Variants in NELL2 observed in about 807,000 individuals in gnomAD.
NELL2 encodes protein kinase C-binding protein NELL2.
NELL2 carries 41 observed loss-of-function variants against 109.6 expected under a neutral mutation model. The observed-to-expected ratio is 0.37, with a 90% CI of 0.29 to 0.49. The LOEUF (loss-of-function observed/expected upper bound fraction) is 0.49, where lower values mean the gene tolerates loss of function less well. Ranked by LOEUF, NELL2 falls within the 20% of genes least tolerant of loss-of-function variation. The pLI, the probability that NELL2 is intolerant of heterozygous loss-of-function variation, is 0.98. For missense variants in NELL2, 900 were observed against 1,008.3 expected (o/e 0.89, Z 1.45); for synonymous variants, 355 against 344.7 (o/e 1.03, Z -0.33).
intron 2 of NELL2, among the ~76,000 whole-genome samples, chr12:44,872,850 C>G (rs1592689822): frequency 6.6e-6 from 1 of 152,136 alleles, no homozygotes; most frequent in African/African-American, 2.4e-5. Context: ...TCTGCAGCAC[C>G]CTCAACTCAC....
chr12:44,799,335 AG>A (rs1044724683), intron 3 of NELL2, among the ~76,000 whole-genome samples: 2 of 152,034 alleles, frequency 1.3e-5, no homozygotes, highest in African/African-American at 4.8e-5. Context: ...TGAAAACTCA[AG>A]GCATCAGTTT....
chr12:44,626,219 A>C (rs1462356171), intron 13 of NELL2, among the ~76,000 whole-genome samples: 1 of 152,152 alleles, frequency 6.6e-6, no homozygotes, highest in Non-Finnish European at 1.5e-5. Context: ...TTATTTTCCC[A>C]TTTTGAATAA....
chr12:44,871,848 T>C (rs1465131882), intron 2 of NELL2, among the ~76,000 whole-genome samples: 4 of 152,036 alleles, frequency 2.6e-5, no homozygotes, highest in Non-Finnish European at 4.4e-5. Flanking sequence ...TAACAACTTG[T>C]AAAAAAAACA....
chr12:44,681,358 T>C (rs543505658), intron 12 of NELL2, among the ~76,000 whole-genome samples: 4 of 132,102 alleles, frequency 3.0e-5, no homozygotes, highest in African/African-American at 7.7e-5. Flanking sequence ...AAAAGCTTTT[T>C]TGTTGTTGTT....
chr12:44,651,600 T>C (rs1947300900), intron 13 of NELL2, among the ~76,000 whole-genome samples: 1 of 152,150 alleles, frequency 6.6e-6, no homozygotes, highest in African/African-American at 2.4e-5. Flanking sequence ...TCTTCTGGGG[T>C]TTATTTCAGT....
intron 13 of NELL2, among the ~76,000 whole-genome samples, chr12:44,617,808 C>T (rs939805065): frequency 6.6e-6 from 1 of 150,634 alleles, no homozygotes; most frequent in African/African-American, 2.4e-5. Flanking sequence ...CTATTATCTA[C>T]TTCAGTGGGA....
At chr12:44,669,305 G>A (rs575381388) in intron 12 of NELL2, among the ~76,000 whole-genome samples, 1 of 152,178 alleles carries the variant, frequency 6.6e-6, no homozygotes, top group African/African-American at 2.4e-5. Context: ...CACATGCACA[G>A]ATATCAACAT....
intron 13 of NELL2, among the ~76,000 whole-genome samples, chr12:44,621,923 G>A (rs867469994): frequency 6.8e-6 from 1 of 147,398 alleles, no homozygotes; most frequent in Admixed American, 7.2e-5. Flanking sequence ...TTCACGTAGC[G>A]CTTCATGAGT....
intron 16 of NELL2, 164 bp from the exon 17 acceptor site, chr12:44,523,648 G>A (rs1364229656): frequency 5.0e-6 from 3 of 605,782 alleles, no homozygotes; most frequent in African/African-American, 1.9e-5. Flanking sequence ...CAATGTTAAT[G>A]ATCTGGGGAT....
At chr12:44,734,041 G>C (rs1939509544) in intron 9 of NELL2, among the ~76,000 whole-genome samples, 1 of 151,906 alleles carries the variant, frequency 6.6e-6, no homozygotes, top group South Asian at 2.1e-4. Flanking sequence ...TCACATTCAA[G>C]TGCTCCGTTT....
At chr12:44,898,624 G>A (rs937298649) in intron 1 of NELL2, among the ~76,000 whole-genome samples, 3 of 152,148 alleles carry the variant, frequency 2.0e-5, no homozygotes, top group African/African-American at 7.2e-5. Flanking sequence ...AAAGACCAAA[G>A]GTAGACGAAT....
intron 13 of NELL2, among the ~76,000 whole-genome samples, chr12:44,664,951 C>T (rs1424656118): frequency 1.3e-5 from 2 of 152,134 alleles, no homozygotes; most frequent in African/African-American, 2.4e-5. Context: ...AACACAATAT[C>T]CCTAACAAGA....
rs868187428 is a variant in NELL2 at position 44,717,024 on chromosome 12, A to G, written c.995-2283T>C. ...AAATGAATGAGGTCACAATTGCTTAATTCTCTTTCAAGCAATGAGCACAAG... is the reference window on the plus strand; with the variant it reads ...AAATGAATGAGGTCACAATTGCTTAGTTCTCTTTCAAGCAATGAGCACAAG... On this transcript the variant is annotated intron_variant, in intron 9 of 19. Coordinates refer to ENST00000429094, the MANE Select transcript of NELL2 (RefSeq NM_001145108.2). Among the ~76,000 whole-genome samples the G allele has an allele frequency of 2.6e-5, 4 of 152,156 alleles. No individual in the cohort carries two copies. The South Asian group carries it at 8.3e-4, about 32-fold the overall frequency.
intron 15 of NELL2, among the ~76,000 whole-genome samples, chr12:44,539,383 G>A (rs1942440442): frequency 1.3e-5 from 2 of 151,968 alleles, no homozygotes; most frequent in Admixed American, 6.6e-5. Flanking sequence ...ATTGGCGGGG[G>A]GGATGCCTTC....
intron 15 of NELL2, among the ~76,000 whole-genome samples, chr12:44,537,161 A>G (rs987619065): frequency 6.6e-6 from 1 of 152,052 alleles, no homozygotes; most frequent in Non-Finnish European, 1.5e-5. Context: ...CTGGCTTCAG[A>G]GGCAATCAAC....
In NELL2 at chr12:44,767,548, A is replaced by C. The variant is rs192868321; in HGVS notation, c.994+7199T>G. On this transcript the variant is annotated intron_variant, in intron 9 of 19. Coordinates refer to ENST00000429094, the MANE Select transcript of NELL2 (RefSeq NM_001145108.2). ...AACTTACTCTATAGAAAAAAGCCAT[A>C]AGACTGCACCAAGATTATGCATTAA... Among the ~76,000 whole-genome samples the C allele has an allele frequency of 1.2e-4, 19 of 152,332 alleles. No individual in the cohort carries two copies. In the East Asian group the frequency reaches 2.5e-3, roughly 20 times the overall value.
intron 15 of NELL2, among the ~76,000 whole-genome samples, chr12:44,534,772 A>G (rs1261153749): frequency 1.3e-5 from 2 of 152,090 alleles, no homozygotes; most frequent in South Asian, 2.1e-4. Flanking sequence ...CATTCGTTTT[A>G]GAAGAATTTG....
At chr12:44,695,720 C>T (rs1349192214) in intron 12 of NELL2, among the ~76,000 whole-genome samples, 1 of 152,138 alleles carries the variant, frequency 6.6e-6, no homozygotes, top group Non-Finnish European at 1.5e-5. Context: ...TACAATAAAG[C>T]TTTCATCATC....
chr12:44,849,802 C>T (rs189345053), intron 2 of NELL2, among the ~76,000 whole-genome samples: 1 of 152,020 alleles, frequency 6.6e-6, no homozygotes, highest in Non-Finnish European at 1.5e-5. Context: ...TGAAATAATA[C>T]TCAGCAACAA....
Sources: allele counts gnomAD v4.1 joint callset (sites outside exome capture counted in the v4.1 genomes callset), GRCh38; gene constraint gnomAD v4.1.1; transcripts MANE v1.5; gene names NCBI Gene and HGNC (gene_info 2026-07-23, HGNC 2026-07-21).